Variants in STK4 observed in about 807,000 individuals in gnomAD.
STK4 encodes the protein serine/threonine-protein kinase 4.
Under a neutral mutation model 64.9 loss-of-function variants are expected in STK4, and 30 were observed. The ratio of observed to expected loss-of-function variants is 0.46; its 90% CI spans 0.35 to 0.63. The LOEUF (loss-of-function observed/expected upper bound fraction) is 0.63. STK4 is among the 20% of genes least tolerant of loss of function. The pLI, the probability that STK4 is intolerant of heterozygous loss-of-function variation, is 0.01. For missense variants in STK4, 466 were observed against 598.5 expected, an observed-to-expected ratio of 0.78 and a Z score of 2.31; for synonymous variants, 177 against 199.0, an observed-to-expected ratio of 0.89 and a Z score of 0.93.
At chr20:45,015,174 T>C (rs1220638003) in intron 9 of STK4, among the ~76,000 whole-genome samples, 4 of 152,232 alleles carry the variant, frequency 2.6e-5, no homozygotes, top group African/African-American at 7.2e-5. Context: ...TTTCCTCATG[T>C]TGAAATCAGG....
intron 1 of STK4, 77 bp downstream of exon 1, chr20:44,966,680 T>A (rs377451318): frequency 4.0e-6 from 5 of 1,244,670 alleles, no homozygotes; most frequent in Middle Eastern, 2.1e-4. Context: ...GGGATACACC[T>A]GTGTGGGAGT....
chr20:45,045,891 C>T (rs2068686838), intron 10 of STK4, among the ~76,000 whole-genome samples: 2 of 152,120 alleles, frequency 1.3e-5, no homozygotes, highest in African/African-American at 4.8e-5. Flanking sequence ...ACTGCAACCT[C>T]TGCCTCCCGG....
At chr20:44,996,120 C>T (rs1267100258) in intron 6 of STK4, among the ~76,000 whole-genome samples, 1 of 152,004 alleles carries the variant, frequency 6.6e-6, no homozygotes, top group Non-Finnish European at 1.5e-5. Flanking sequence ...TCTGCCTGGC[C>T]CCTATAGGTG....
intron 9 of STK4, among the ~76,000 whole-genome samples, chr20:45,012,760 C>T (rs2068072431): frequency 6.8e-6 from 1 of 146,726 alleles, no homozygotes. Flanking sequence ...ATAGTTTTTC[C>T]TTTTGATCTT....
chr20:45,053,380 C>T (rs771306387), intron 10 of STK4, among the ~76,000 whole-genome samples: 12 of 152,166 alleles, frequency 7.9e-5, no homozygotes, highest in Non-Finnish European at 1.6e-4. Context: ...TTTTCATTTC[C>T]TTTGTTTGGT....
chr20:44,983,788 A>G (rs1037119346), intron 4 of STK4, among the ~76,000 whole-genome samples: 1 of 152,156 alleles, frequency 6.6e-6, no homozygotes, highest in Non-Finnish European at 1.5e-5. Context: ...AAATATGTAA[A>G]AGTACTTTGT....
chr20:44,998,926 A>T (rs1224752831), intron 7 of STK4, among the ~76,000 whole-genome samples: 1 of 152,092 alleles, frequency 6.6e-6, no homozygotes, highest in Non-Finnish European at 1.5e-5. Flanking sequence ...TACAAAAATG[A>T]GCTGGGCGTG....
At chr20:45,026,552 G>C (rs1244283208) in intron 10 of STK4, among the ~76,000 whole-genome samples, 1 of 152,082 alleles carries the variant, frequency 6.6e-6, no homozygotes, top group Non-Finnish European at 1.5e-5. Context: ...AGGATGTGCA[G>C]CAGGAAATGA....
At chr20:44,986,598 T>C (rs530104314) in intron 4 of STK4, among the ~76,000 whole-genome samples, 1 of 152,236 alleles carries the variant, frequency 6.6e-6, no homozygotes, top group Non-Finnish European at 1.5e-5. Context: ...GAAAATACAT[T>C]GTAGAGTGTC....
At chr20:45,002,360 T>G (rs1301316215) in intron 9 of STK4, among the ~76,000 whole-genome samples, 1 of 152,356 alleles carries the variant, frequency 6.6e-6, no homozygotes, top group East Asian at 1.9e-4. Flanking sequence ...TTGTTTATTC[T>G]TTTCAGTTTC....
Position 44,978,549 on chromosome 20 carries a change from T to G in STK4, c.223T>G (p.Ser75Ala). 6.2e-7 allele frequency: 1 copy of G among 1,613,994 alleles called. No homozygotes were observed. Among genetic ancestry groups the G allele is most frequent in the Non-Finnish European group, 8.5e-7 (1 of 1,179,980 alleles). The part of the protein sequence containing the change: ...SDLQEIIKEI[S>A]IMQQCDSPHV... Reference sequence around the variant, plus strand: ...CCTCCAGGAGATAATCAAAGAAATCTCTATAATGCAGCAATGTGACAGGTA... The same window carrying G: ...CCTCCAGGAGATAATCAAAGAAATCGCTATAATGCAGCAATGTGACAGGTA... The change falls in exon 3 of 11, where the codon TCT (serine) becomes GCT (alanine). Residue 75 changes from serine (S) to alanine (A), a missense_variant. Ser to Ala is a moderately conservative substitution (Grantham distance 99, BLOSUM62 1). Coordinates refer to ENST00000372806, the MANE Select transcript of STK4 (RefSeq NM_006282.5).
intron 10 of STK4, among the ~76,000 whole-genome samples, chr20:45,030,302 C>T (rs931452692): frequency 1.3e-5 from 2 of 152,136 alleles, no homozygotes; most frequent in African/African-American, 4.8e-5. Flanking sequence ...GACAGGGTTT[C>T]ACCATCTTGG....
Position 45,001,150 on chromosome 20 carries a change from A to C in STK4, c.961-17A>C, listed in dbSNP as rs539801788. 17 of 1,597,412 alleles carry C rather than the reference A, an allele frequency of 1.1e-5. No individual in the cohort carries two copies. Among genetic ancestry groups the C allele is most frequent in the African/African-American group, 6.7e-5 (5 of 74,736 alleles). ...TTTGTCAAATTAGCCCCAATTTGAGATTGTATCCTTTTACAGGAAGAGGAT... is the reference window on the plus strand; with the variant it reads ...TTTGTCAAATTAGCCCCAATTTGAGCTTGTATCCTTTTACAGGAAGAGGAT... On this transcript the variant is annotated splice_polypyrimidine_tract_variant and intron_variant, in intron 8 of 10. Transcript: ENST00000372806.
At chr20:45,074,526 G>A (rs536876308) in intron 10 of STK4, among the ~76,000 whole-genome samples, 133 of 152,174 alleles carry the variant, frequency 8.7e-4, no homozygotes, top group African/African-American at 2.9e-3. Context: ...GTGTGGGAAG[G>A]CAGGGTTAGG....
At chr20:44,975,993 A>G (rs1057281810) in intron 2 of STK4, among the ~76,000 whole-genome samples, 2 of 152,242 alleles carry the variant, frequency 1.3e-5, no homozygotes, top group South Asian at 2.1e-4. Flanking sequence ...TAATGAAGCA[A>G]TCTCAAAAAC....
chr20:45,027,880 T>G (rs776005545), intron 10 of STK4, among the ~76,000 whole-genome samples: 3 of 152,212 alleles, frequency 2.0e-5, no homozygotes, highest in Admixed American at 6.5e-5. Flanking sequence ...GTCTCTGTCT[T>G]ATTGTAGCTA....
At chr20:45,011,729 ATTTTTTTTTTT>A (rs869113711) in intron 9 of STK4, among the ~76,000 whole-genome samples, 21 of 115,372 alleles carry the variant, frequency 1.8e-4, no homozygotes, top group African/African-American at 4.4e-4. Context: ...ATATATATAT[ATTTTTTTTTTT>A]TTTTTTAAGT....
At chr20:45,020,294 G>A (rs2068219877) in intron 9 of STK4, among the ~76,000 whole-genome samples, 1 of 149,880 alleles carries the variant, frequency 6.7e-6, no homozygotes, top group South Asian at 2.1e-4. Context: ...CAGTTTGGAT[G>A]TGCAGTTTGG....
At chr20:45,020,903 C>A (rs758773680) in intron 9 of STK4, among the ~76,000 whole-genome samples, 12 of 151,952 alleles carry the variant, frequency 7.9e-5, no homozygotes, top group Non-Finnish European at 1.3e-4. Flanking sequence ...CCTTGACCTC[C>A]TGGGCTCAGG....
Sources: gnomAD v4.1 joint callset for allele counts (sites outside exome capture counted in the v4.1 genomes callset) on GRCh38, gnomAD v4.1.1 for gene constraint, MANE v1.5 for transcripts, NCBI Gene and HGNC (gene_info 2026-07-23, HGNC 2026-07-21) for gene names.